Variants in CREB5 observed in about 807,000 individuals in gnomAD.
The protein encoded by CREB5 is cAMP responsive element binding protein 5.
A neutral mutation model predicts 57.1 loss-of-function variants in CREB5; 19 were observed. The ratio of observed to expected loss-of-function variants is 0.33; its 90% CI spans 0.23 to 0.49. CREB5 has a LOEUF of 0.49. Ranked by LOEUF, CREB5 falls within the 20% of genes least tolerant of loss-of-function variation. The pLI is 0.99. For synonymous variants in CREB5, 238 were observed against 238.3 expected (o/e 1.00, Z 0.01); for missense variants, 579 against 671.6 (o/e 0.86, Z 1.52).
At chr7:28,542,459 C>T (rs1485897647) in intron 4 of CREB5, among the ~76,000 whole-genome samples, 3 of 152,124 alleles carry the variant, frequency 2.0e-5, no homozygotes, top group Admixed American at 1.3e-4. Flanking sequence ...GGTTGTTTTG[C>T]ACCGTCACTG....
intron 5 of CREB5, among the ~76,000 whole-genome samples, chr7:28,623,880 A>G (rs1797895695): frequency 6.6e-6 from 1 of 152,198 alleles, no homozygotes; most frequent in African/African-American, 2.4e-5. Context: ...AACGTTCATA[A>G]AGATGGGGGG....
chr7:28,550,953 A>G lies in CREB5; in HGVS notation c.292-19412A>G, dbSNP rs759906029. On this transcript the variant is annotated intron_variant, in intron 4 of 10. Transcript: ENST00000357727. ...CGGCTGAAGGCTTCAGTTGATGCCA[A>G]ATGTTCATAGGAACACAACAAGCTT... 3.3e-4 allele frequency among the ~76,000 whole-genome samples: 50 copies of G among 152,176 alleles called. 1 individual carries two copies. Among genetic ancestry groups the G allele is most frequent in the Admixed American group, 6.5e-4 (10 of 15,268 alleles).
At chr7:28,470,210 C>G (rs1340657398) in intron 1 of CREB5, among the ~76,000 whole-genome samples, 1 of 152,124 alleles carries the variant, frequency 6.6e-6, no homozygotes, top group Non-Finnish European at 1.5e-5. Context: ...TCCCCATCTC[C>G]CCCTGACTTC....
At chr7:28,335,351 T>G (rs868663767) in intron 1 of CREB5, among the ~76,000 whole-genome samples, 1 of 152,284 alleles carries the variant, frequency 6.6e-6, no homozygotes, top group Middle Eastern at 3.4e-3. Context: ...TTCATTTTCT[T>G]CTGTCCTTTT....
chr7:28,710,095 T>C (rs977522868), intron 5 of CREB5, among the ~76,000 whole-genome samples: 1 of 152,232 alleles, frequency 6.6e-6, no homozygotes, highest in Non-Finnish European at 1.5e-5. Context: ...ATTTAATTGA[T>C]GTGAAAACAA....
intron 5 of CREB5, among the ~76,000 whole-genome samples, chr7:28,650,887 T>G (rs1348922587): frequency 2.6e-5 from 4 of 152,162 alleles, no homozygotes; most frequent in Non-Finnish European, 5.9e-5. Flanking sequence ...GATGAAAGTT[T>G]TCTGATGTGT....
intron 2 of CREB5, among the ~76,000 whole-genome samples, chr7:28,492,001 CGTTTT>C (rs1253382461): frequency 1.3e-5 from 2 of 151,920 alleles, no homozygotes; most frequent in South Asian, 2.1e-4. Flanking sequence ...TTTTTTGTCT[CGTTTT>C]GTTTTGTTTT....
intron 1 of CREB5, among the ~76,000 whole-genome samples, chr7:28,458,544 G>A (rs1380274980): frequency 2.0e-5 from 3 of 152,116 alleles, no homozygotes; most frequent in South Asian, 2.1e-4. Context: ...TTATGTAATC[G>A]CAAATATAGG....
chr7:28,355,393 CATA>C (rs1168654263), intron 1 of CREB5, among the ~76,000 whole-genome samples: 1 of 151,604 alleles, frequency 6.6e-6, no homozygotes, highest in Non-Finnish European at 1.5e-5. Flanking sequence ...CACCCGCAGT[CATA>C]GTAGAGAGAA....
chr7:28,473,685 G>A lies in CREB5; in HGVS notation c.4-14490G>A, dbSNP rs1030536394. Among the ~76,000 whole-genome samples the A allele has an allele frequency of 2.0e-5, 3 of 152,324 alleles. No individual in the cohort carries two copies. The East Asian group carries it at 5.8e-4, about 29-fold the overall frequency. ...CTTAAGAACGCTGACCCTGCACTGT[G>A]CTCGGCTGAATGAGGCTGGAAGCAG... On this transcript the variant is annotated intron_variant, in intron 1 of 10. Transcript: ENST00000357727.
At chr7:28,311,953 G>A (rs574990537) in intron 1 of CREB5, among the ~76,000 whole-genome samples, 2 of 152,300 alleles carry the variant, frequency 1.3e-5, no homozygotes, top group East Asian at 3.9e-4. Context: ...GGTTTGGGCT[G>A]TTAGGACCCT....
chr7:28,718,843 C>T lies in CREB5; in HGVS notation c.555C>T (p.Asn185=). 6.2e-7 allele frequency: 1 copy of T among 1,614,150 alleles called. No homozygotes were observed. Among genetic ancestry groups the T allele is most frequent in the East Asian group, 2.2e-5 (1 of 44,884 alleles). Residue 185 remains asparagine, a synonymous_variant, in exon 6 of 11, where the codon AAC becomes AAT. Transcript: ENST00000357727. ...CCTCCATGCCTGGGACCCTGCCCAACCCTACAATGCCAGGATCTTCCGCCG... is the reference window on the plus strand; with the variant it reads ...CCTCCATGCCTGGGACCCTGCCCAATCCTACAATGCCAGGATCTTCCGCCG... ...MPASMPGTLP[N]PTMPGSSAVL... is the part of the protein sequence containing the mutation.
chr7:28,377,206 G>T (rs928863308), intron 1 of CREB5, among the ~76,000 whole-genome samples: 13 of 152,082 alleles, frequency 8.5e-5, no homozygotes, highest in Admixed American at 2.6e-4. Flanking sequence ...GAGTTGTATT[G>T]TCCAATATGG....
rs541398267 is a variant in CREB5, at chr7:28,471,392, G to C, written c.4-16783G>C. Among the ~76,000 whole-genome samples, 3 of 152,134 alleles carry C rather than the reference G, an allele frequency of 2.0e-5. No individual in the cohort carries two copies. The East Asian group carries it at 5.8e-4, about 29-fold the overall frequency. ...AAAATGAGTTCACTGTACATGTGTGGATTCATTTCTGGGTTCTCTCTTCTG... is the reference window on the plus strand; with the variant it reads ...AAAATGAGTTCACTGTACATGTGTGCATTCATTTCTGGGTTCTCTCTTCTG... On this transcript the variant is annotated intron_variant, in intron 1 of 10. Transcript: ENST00000357727.
chr7:28,810,159 T>C (rs189861473), intron 9 of CREB5, among the ~76,000 whole-genome samples: 33 of 152,190 alleles, frequency 2.2e-4, no homozygotes, highest in African/African-American at 7.7e-4. Context: ...CAATAGACTT[T>C]ATAGATTATA....
intron 1 of CREB5, among the ~76,000 whole-genome samples, chr7:28,400,811 G>A (rs774179847): frequency 7.2e-5 from 11 of 152,118 alleles, no homozygotes; most frequent in East Asian, 1.9e-4. Context: ...CTTCCCCATC[G>A]GCAGTACATG....
At chr7:28,517,719 G>T (rs565758252) in intron 4 of CREB5, among the ~76,000 whole-genome samples, 1 of 152,084 alleles carries the variant, frequency 6.6e-6, no homozygotes, top group Non-Finnish European at 1.5e-5. Context: ...AATATCTGTC[G>T]CAGGCTTCTC....
At chr7:28,452,616 C>T (rs1032723684) in intron 1 of CREB5, among the ~76,000 whole-genome samples, 1 of 152,142 alleles carries the variant, frequency 6.6e-6, no homozygotes, top group Non-Finnish European at 1.5e-5. Flanking sequence ...TGTTACCATC[C>T]CTAGACCTGC....
At chr7:28,521,647 A>G (rs979162596) in intron 4 of CREB5, among the ~76,000 whole-genome samples, 1 of 152,204 alleles carries the variant, frequency 6.6e-6, no homozygotes, top group South Asian at 2.1e-4. Flanking sequence ...TAAAACAGCA[A>G]ATAGCTCTTA....
Sources: gnomAD v4.1 joint callset for allele counts (sites outside exome capture counted in the v4.1 genomes callset) on GRCh38, gnomAD v4.1.1 for gene constraint, MANE v1.5 for transcripts, NCBI Gene and HGNC (gene_info 2026-07-23, HGNC 2026-07-21) for gene names.